Variants in SLC5A1 observed in about 807,000 individuals in gnomAD.
SLC5A1 encodes solute carrier family 5 member 1, also known as sodium/glucose cotransporter 1.
Under a neutral mutation model 73.5 loss-of-function variants are expected in SLC5A1, and 42 were observed. That is an observed-to-expected ratio of 0.57 (90% CI 0.45 to 0.74). SLC5A1 has a LOEUF of 0.74. Ranked by LOEUF, SLC5A1 falls within the 30% of genes least tolerant of loss-of-function variation. SLC5A1 has a pLI of 0.00. For synonymous variants in SLC5A1, 300 were observed against 317.4 expected (o/e 0.95, Z 0.58); for missense variants, 634 against 855.4 (o/e 0.74, Z 3.23).
chr22:32,058,364 T>A lies in SLC5A1; in HGVS notation c.207+8350T>A, dbSNP rs185987262. Among the ~76,000 whole-genome samples the A allele has an allele frequency of 3.6e-3, 546 of 152,398 alleles. 2 individuals carry two copies. Among genetic ancestry groups the A allele is most frequent in the Middle Eastern group, 0.01 (3 of 294 alleles). On this transcript the variant is annotated intron_variant, in intron 2 of 14. Transcript: ENST00000266088. ...TAGCGAGATCCCATCTCTACAAAAA[T>A]TTTTTTAAAATTCTATCATAAATAT...
chr22:32,068,672 A>C (rs1603116641), intron 5 of SLC5A1, 72 bp downstream of exon 5: 2 of 1,036,726 alleles, frequency 1.9e-6, no homozygotes, highest in East Asian at 2.4e-5. Context: ...CATGCTGCCC[A>C]CCAAGAGGCG....
intron 10 of SLC5A1, among the ~76,000 whole-genome samples, chr22:32,088,990 CCACTGTAAAATTATG>C (rs1223804666): frequency 1.3e-5 from 2 of 152,132 alleles, no homozygotes; most frequent in Non-Finnish European, 2.9e-5. Context: ...TTTGCCTAGA[CCACTGTAAAATTATG>C]CACTGTAAAA....
At chr22:32,086,135 C>T (rs543752636) in intron 9 of SLC5A1, 85 bp from the exon 10 acceptor site, 19 of 835,468 alleles carry the variant, frequency 2.3e-5, no homozygotes, top group Middle Eastern at 4.5e-4. Flanking sequence ...AGTGAGACTC[C>T]GTCTCAAAAA....
In SLC5A1 at chr22:32,085,038, A is replaced by G; in HGVS notation, c.1021+3A>G. The G allele has an allele frequency of 1.2e-6, 2 of 1,614,150 alleles. No homozygotes were observed. Among genetic ancestry groups the G allele is most frequent in the Non-Finnish European group, 1.7e-6 (2 of 1,180,008 alleles). On this transcript the variant is annotated splice_donor_region_variant and intron_variant, in intron 9 of 14. Coordinates refer to ENST00000266088, the MANE Select transcript of SLC5A1 (RefSeq NM_000343.4). The stretch of plus-strand genomic sequence containing the variant: ...GATCAGCCGCATTCTGTACACAGGT[A>G]ATAACTTCTGCTGGACCCACAAACC...
chr22:32,062,403 T>C (rs1387080838), intron 2 of SLC5A1, among the ~76,000 whole-genome samples: 4 of 152,220 alleles, frequency 2.6e-5, no homozygotes, highest in African/African-American at 4.8e-5. Context: ...TTTCTGCATT[T>C]TGTGATGTGA....
intron 3 of SLC5A1, 100 bp from the exon 4 acceptor site, chr22:32,067,867 A>G: frequency 8.2e-7 from 1 of 1,224,078 alleles, no homozygotes; most frequent in Middle Eastern, 2.2e-4. Flanking sequence ...AGGGGAGAAC[A>G]TGCTGGGTAA....
Position 32,081,965 on chromosome 22 carries a change from A to G in SLC5A1, c.577A>G (p.Ile193Val), listed in dbSNP as rs1569309873. 1 of 1,600,988 alleles carries G rather than the reference A, an allele frequency of 6.2e-7. No individual in the cohort carries two copies. Residue 193 changes from isoleucine (I) to valine (V), a missense_variant, in exon 6 of 15, where the codon ATT (isoleucine) becomes GTT (valine). Coordinates refer to ENST00000266088, the MANE Select transcript of SLC5A1 (RefSeq NM_000343.4). ...ATTGGCAATCACTGCCCTTTACACA[A>G]TTACAGGTGAGTCCATTCAAATAAA... is the stretch of plus-strand genomic sequence containing the variant. Reference protein sequence around the residue: ...LLLAITALYTITGGLAAVIYT... With the variant: ...LLLAITALYTVTGGLAAVIYT...
chr22:32,059,663 C>G (rs534217889), intron 2 of SLC5A1, among the ~76,000 whole-genome samples: 2 of 152,052 alleles, frequency 1.3e-5, no homozygotes, highest in East Asian at 3.9e-4. Flanking sequence ...AATTTCACGC[C>G]ACAGCTGAGA....
chr22:32,043,514 T>C lies in SLC5A1; in HGVS notation c.135+98T>C. 7.5e-7 allele frequency: 1 copy of C among 1,336,486 alleles called. No homozygotes were observed. The highest frequency in any genetic ancestry group is 1.1e-6 in the Non-Finnish European group (1 of 946,994). 82.8% of individuals were successfully genotyped at this position (1,336,486 alleles called of 1,614,324 possible). A position where few individuals can be genotyped will look rare whatever the true frequency, so the allele number is the denominator to read the frequency against. On this transcript the variant is annotated intron_variant, in intron 1 of 14. Coordinates refer to ENST00000266088, the MANE Select transcript of SLC5A1 (RefSeq NM_000343.4). The surrounding 1 kb of genome is among the most constrained non-coding windows in gnomAD (Gnocchi z 6.5). ...AAGGGGCAGTAGGCTTAAGTGTCGG[T>C]GGAGGGGAGAGGAAATGACTTGGAA...
At chr22:32,058,490 T>G (rs772580395) in intron 2 of SLC5A1, among the ~76,000 whole-genome samples, 8 of 152,348 alleles carry the variant, frequency 5.3e-5, no homozygotes, top group Non-Finnish European at 7.3e-5. Context: ...ACTGATGAAA[T>G]CCTTGTATCT....
At chr22:32,059,389 G>A in intron 2 of SLC5A1, 1 of 967,218 alleles carries the variant, frequency 1.0e-6, no homozygotes. Context: ...GGTGTCAGTG[G>A]AGAGGTGGGA....
chr22:32,066,827 G>A (rs755751485), intron 2 of SLC5A1, 108 bp from the exon 3 acceptor site: 3 of 777,794 alleles, frequency 3.9e-6, no homozygotes, highest in Middle Eastern at 2.3e-4. Context: ...GCCCACCTCT[G>A]CTCTTTCTTG....
In SLC5A1 at chr22:32,060,835, A is replaced by G. The variant is rs144329716; in HGVS notation, c.208-6100A>G. On this transcript the variant is annotated intron_variant, in intron 2 of 14. Transcript: ENST00000266088. ...TCCTCTCACCTCAACCTCCCAAAGT[A>G]TTGGTATTGCAGGCCTGAGACACCA... Among the ~76,000 whole-genome samples, 259 of 152,138 alleles carry G rather than the reference A, an allele frequency of 1.7e-3. 3 individuals carry two copies. Among genetic ancestry groups the G allele is most frequent in the Non-Finnish European group, 2.8e-3 (192 of 68,006 alleles).
intron 3 of SLC5A1, 141 bp from the exon 4 acceptor site, chr22:32,067,825 CA>C: frequency 1.2e-6 from 1 of 859,774 alleles, no homozygotes; most frequent in African/African-American, 1.7e-5. Context: ...AGTTAGGCAG[CA>C]AAGGCCTCCT....
chr22:32,055,306 T>C (rs2093950204), intron 2 of SLC5A1, among the ~76,000 whole-genome samples: 1 of 152,206 alleles, frequency 6.6e-6, no homozygotes, highest in Non-Finnish European at 1.5e-5. Flanking sequence ...AAATATTTAC[T>C]AGAGTCTCAG....
chr22:32,102,256 G>T lies in SLC5A1; in HGVS notation c.1665+19G>T, dbSNP rs1289164759. The T allele has an allele frequency of 6.4e-7, 1 of 1,573,356 alleles. No individual in the cohort carries two copies. Among genetic ancestry groups the T allele is most frequent in the African/African-American group, 1.4e-5 (1 of 73,972 alleles). The stretch of plus-strand genomic sequence containing the variant: ...TGTGCATGTGAGTATCCATTTAGGG[G>T]ATCTGTCCTTGTTTCATGTTCACAC... On this transcript the variant is annotated intron_variant, in intron 13 of 14. Coordinates refer to ENST00000266088, the MANE Select transcript of SLC5A1 (RefSeq NM_000343.4).
chr22:32,058,836 C>T (rs906805663), intron 2 of SLC5A1, among the ~76,000 whole-genome samples: 1 of 152,184 alleles, frequency 6.6e-6, no homozygotes, highest in African/African-American at 2.4e-5. Context: ...CCCTGCTGTT[C>T]TCATGGGCCC....
intron 13 of SLC5A1, 68 bp from the exon 14 acceptor site, chr22:32,104,718 C>CT: frequency 8.3e-7 from 1 of 1,198,918 alleles, no homozygotes; most frequent in South Asian, 1.3e-5. Context: ...TATCTCTTTG[C>CT]CCCCCCAACT....
At chr22:32,059,307 T>C in intron 2 of SLC5A1, 1 of 985,558 alleles carries the variant, frequency 1.0e-6, no homozygotes, top group Non-Finnish European at 1.2e-6. Context: ...AGTGGGGATG[T>C]GACACGCACC....
Sources: allele counts gnomAD v4.1 joint callset (sites outside exome capture counted in the v4.1 genomes callset), GRCh38; gene constraint gnomAD v4.1.1; non-coding constraint Gnocchi (gnomAD v3.1); transcripts MANE v1.5; gene names NCBI Gene and HGNC (gene_info 2026-07-23, HGNC 2026-07-21).